The following FANCG variants were observed in gnomAD, a reference collection of about 807,000 sequenced individuals.
The protein encoded by FANCG is FA complementation group G.
FANCG carries 67 observed loss-of-function variants against 73.3 expected under a neutral mutation model. The ratio of observed to expected loss-of-function variants is 0.91; its 90% CI spans 0.75 to 1.12. FANCG has a LOEUF of 1.12. FANCG is among the 50% of genes most tolerant of loss of function. FANCG has a pLI of 0.00. For synonymous variants in FANCG, 297 were observed against 311.6 expected (o/e 0.95, Z 0.49); for missense variants, 643 against 735.6 (o/e 0.87, Z 1.46).
chr9:35,078,434 G>C (rs1829126181), intron 3 of FANCG, 91 bp from the exon 4 acceptor site: 1 of 1,523,428 alleles, frequency 6.6e-7, no homozygotes. Context: ...TTCCTCTCCT[G>C]CAGGACCCCA....
intron 8 of FANCG, 98 bp from the exon 9 acceptor site, chr9:35,076,126 T>C (rs558235519): frequency 1.6e-6 from 2 of 1,271,376 alleles, no homozygotes; most frequent in African/African-American, 1.5e-5. Context: ...TGGATGTTCA[T>C]GGGCCCTGAG....
At chr9:35,077,862 T>C in intron 4 of FANCG, 1 of 497,686 alleles carries the variant, frequency 2.0e-6, no homozygotes, top group African/African-American at 1.9e-5. Flanking sequence ...TGCCTCCACC[T>C]CTTGGGTTCA....
At position 35,079,908 on chromosome 9, in the gene FANCG, C is replaced by G. The variant is rs1829152038; in HGVS notation, c.-384G>C. ...GTCGCACGGCCGGCGGTGCGGCCCGCTCGGCTCTCGCGGAGGCCACAGCCT... is the reference window on the plus strand; with the variant it reads ...GTCGCACGGCCGGCGGTGCGGCCCGGTCGGCTCTCGCGGAGGCCACAGCCT... On this transcript the variant is annotated 5_prime_UTR_variant, in exon 1 of 14. Transcript: ENST00000378643. 2.4e-6 allele frequency: 1 copy of G among 409,556 alleles called. No homozygotes were observed. Among genetic ancestry groups the G allele is most frequent in the East Asian group, 4.2e-5 (1 of 23,552 alleles). The allele number at this position is 409,556 out of a possible 1,614,324, so 25.4% of individuals were successfully genotyped here. A position where few individuals can be genotyped will look rare whatever the true frequency, so the allele number is the denominator to read the frequency against.
rs904322133 is a variant in FANCG, at chr9:35,075,322, G to A, written c.1437C>T (p.Cys479=). 5 of 1,614,030 alleles carry A rather than the reference G, an allele frequency of 3.1e-6. No homozygotes were observed. The highest frequency in any genetic ancestry group is 4.2e-6 in the Non-Finnish European group (5 of 1,180,040). ...QKVAISEFSR[C]LELLFRATPE... ...GTGTGGCCCGGAAGAGCAGCTCGAG[G>A]CACCTGAAGTAGGACACAGAACAGG... Residue 479 remains cysteine (C), a synonymous_variant, in exon 11 of 14, where the codon TGC becomes TGT. Coordinates refer to ENST00000378643, the MANE Select transcript of FANCG (RefSeq NM_004629.2).
chr9:35,074,776 C>A (rs1330962640), intron 12 of FANCG, 151 bp downstream of exon 12: 4 of 1,037,784 alleles, frequency 3.9e-6, no homozygotes, highest in Admixed American at 1.9e-5. Flanking sequence ...TATATTTGAA[C>A]ACCTGGATAT....
rs767607055 is a variant in FANCG, at chr9:35,079,249, A to G, written c.85-8T>C. ...ACCGGAGTTCTGAGCCACCTGCCAC[A>G]TGAGGGAGGGGTTGTCACTGAGGAT... On this transcript the variant is annotated splice_polypyrimidine_tract_variant and splice_region_variant and intron_variant, in intron 1 of 13. Coordinates refer to ENST00000378643, the MANE Select transcript of FANCG (RefSeq NM_004629.2). 2.5e-6 allele frequency: 4 copies of G among 1,605,786 alleles called. No individual in the cohort carries two copies. The highest frequency in any genetic ancestry group is 3.4e-5 in the Admixed American group (2 of 58,950).
At chr9:35,077,859 A>G (rs1394483237) in intron 4 of FANCG, 1 of 493,018 alleles carries the variant, frequency 2.0e-6, no homozygotes, top group Non-Finnish European at 3.7e-6. Flanking sequence ...TGTTGCCTCC[A>G]CCTCTTGGGT....
Position 35,076,443 on chromosome 9 carries a change from T to C in FANCG, c.1065A>G (p.Leu355=), listed in dbSNP as rs774516300. The C allele has an allele frequency of 3.1e-6, 5 of 1,614,024 alleles. No individual in the cohort carries two copies. Among genetic ancestry groups the C allele is most frequent in the African/African-American group, 1.3e-5 (1 of 75,002 alleles). The change falls in exon 8 of 14, where the codon CTA becomes CTG. Residue 355 remains leucine, a synonymous_variant. Transcript: ENST00000378643. ...AAGGGGAACCTCACCTCCCCGTCTG[T>C]AGGCACCTGCTTGCTAGTATGTGCT... ...QTKHILASRC[L]QTGRAGDAAE...
intron 2 of FANCG, 129 bp downstream of exon 2, chr9:35,079,022 C>T: frequency 3.6e-6 from 3 of 833,224 alleles, no homozygotes; most frequent in Non-Finnish European, 6.0e-6. Flanking sequence ...TGATTCCACT[C>T]CAGTCTCCTC....
At chr9:35,079,389 C>T in intron 1 of FANCG, 52 bp downstream of exon 1, 2 of 1,607,424 alleles carry the variant, frequency 1.2e-6, no homozygotes, top group Non-Finnish European at 1.7e-6. Flanking sequence ...ACTGCAAACC[C>T]GCTTTCAGGG....
Position 35,076,028 on chromosome 9 carries a change from C to G in FANCG, c.1077G>C (p.Arg359Ser). 1 of 1,613,964 alleles carries G rather than the reference C, an allele frequency of 6.2e-7. No individual in the cohort carries two copies. The highest frequency in any genetic ancestry group is 1.1e-5 in the South Asian group (1 of 91,084). The change falls in exon 9 of 14, where the codon AGG becomes AGC. Residue 359 changes from arginine to serine, a missense_variant and splice_region_variant. Transcript: ENST00000378643. ...ILASRCLQTG[R>S]AGDAAEHYLD... ...AGTAATGCTCTGCAGCGTCTCCTGC[C>G]CTGAGGAGTAAAAGCCCATAAGCCT...
intron 5 of FANCG, 66 bp downstream of exon 5, chr9:35,077,196 CAA>C (rs1829101171): frequency 9.9e-6 from 16 of 1,613,568 alleles, no homozygotes; most frequent in African/African-American, 1.3e-5. Context: ...CTGAATGGGA[CAA>C]GAGAGAGGGC....
At position 35,074,948 on chromosome 9, in the gene FANCG, G is replaced by C. The variant is rs1486862292; in HGVS notation, c.1615C>G (p.Leu539Val). 1.9e-6 allele frequency: 3 copies of C among 1,614,058 alleles called. No homozygotes were observed. The highest frequency in any genetic ancestry group is 1.7e-6 in the Non-Finnish European group (2 of 1,180,032). Reference protein sequence around the residue: ...QDTKALQDFLLSVQMCPGNRD... With the variant: ...QDTKALQDFLVSVQMCPGNRD... The stretch of plus-strand genomic sequence containing the variant: ...ATACCTGGGCACATCTGCACACTGA[G>C]GAGGAAGTCCTGTAAGGCTTTGGTA... Residue 539 changes from leucine (L) to valine (V), a missense_variant, in exon 12 of 14, where the codon CTC becomes GTC. Leu to Val is a conservative substitution (Grantham distance 32). Transcript: ENST00000378643.
Position 35,077,418 on chromosome 9 carries a change from C to A in FANCG, c.511-19G>T, listed in dbSNP as rs1829106760. The A allele has an allele frequency of 1.2e-6, 2 of 1,613,924 alleles. No individual in the cohort carries two copies. Among genetic ancestry groups the A allele is most frequent in the African/African-American group, 2.7e-5 (2 of 74,898 alleles). ...CTCCACTCTGGGGAAAGAAGGACAA[C>A]CAGAAGCTCCAAGCCTACAACCTCC... On this transcript the variant is annotated intron_variant, in intron 4 of 13. Coordinates refer to ENST00000378643, the MANE Select transcript of FANCG (RefSeq NM_004629.2).
chr9:35,075,418 A>G (rs1364518328), intron 10 of FANCG, 47 bp downstream of exon 10: 2 of 1,613,906 alleles, frequency 1.2e-6, no homozygotes, highest in Non-Finnish European at 1.7e-6. Context: ...CTCAGGTCCC[A>G]ATCAGAAAAT....
rs1587142229 is a variant in FANCG at position 35,077,121 on chromosome 9, G to A, written c.647-20C>T. On this transcript the variant is annotated intron_variant, in intron 5 of 13. Coordinates refer to ENST00000378643, the MANE Select transcript of FANCG (RefSeq NM_004629.2). The stretch of plus-strand genomic sequence containing the variant: ...GGAGACCTGAGGACAGTCAGGGTGT[G>A]AGCTTGGAGAGGGCTATAGAGCAGG... The A allele has an allele frequency of 1.2e-6, 2 of 1,614,152 alleles. No homozygotes were observed. The highest frequency in any genetic ancestry group is 1.3e-5 in the African/African-American group (1 of 75,040).
rs1239092898 is a variant in FANCG, at chr9:35,076,841, C to G, written c.807G>C (p.Leu269Phe). The change falls in exon 7 of 14, where the codon TTG becomes TTC. Residue 269 changes from leucine to phenylalanine, a missense_variant. By Grantham distance (22) the Leu-to-Phe change is conservative. Transcript: ENST00000378643. Reference sequence around the variant, plus strand: ...CTGATCCCTCTTTCAGGGCTGCAACCAAGTACAACAGTGCTCTCTGTGGAT... The same window carrying G: ...CTGATCCCTCTTTCAGGGCTGCAACGAAGTACAACAGTGCTCTCTGTGGAT... Reference protein sequence around the residue: ...MGNPQRALLYLVAALKEGSAW... With the variant: ...MGNPQRALLYFVAALKEGSAW... The G allele has an allele frequency of 6.2e-7, 1 of 1,614,102 alleles. No individual in the cohort carries two copies. Among genetic ancestry groups the G allele is most frequent in the Non-Finnish European group, 8.5e-7 (1 of 1,180,052 alleles).
chr9:35,079,236 A>G lies in FANCG; in HGVS notation c.90T>C (p.Ala30=). 2 of 1,607,134 alleles carry G rather than the reference A, an allele frequency of 1.2e-6. No homozygotes were observed. The highest frequency in any genetic ancestry group is 2.2e-5 in the South Asian group (2 of 90,070). Residue 30 remains alanine, a synonymous_variant, in exon 2 of 14, where the codon GCT becomes GCC. Transcript: ENST00000378643. ...GCCTCAGAGTCAGACCGGAGTTCTG[A>G]GCCACCTGCCACATGAGGGAGGGGT... ...NDRLVRQAKV[A]QNSGLTLRRQ...
rs568662177 is a variant in FANCG at position 35,079,552 on chromosome 9, G to C, written c.-28C>G. On this transcript the variant is annotated 5_prime_UTR_variant, in exon 1 of 14. Coordinates refer to ENST00000378643, the MANE Select transcript of FANCG (RefSeq NM_004629.2). ...TGGCCGAGGCTGGGCCCGGAGACCA[G>C]AAGCGGACTTAGGAAGGGTGAAGCT... 1.2e-6 allele frequency: 2 copies of C among 1,612,278 alleles called. No individual in the cohort carries two copies. The highest frequency in any genetic ancestry group is 2.2e-5 in the South Asian group (2 of 91,040).
Sources: gnomAD v4.1 joint callset for allele counts on GRCh38, gnomAD v4.1.1 for gene constraint, MANE v1.5 for transcripts, NCBI Gene and HGNC (gene_info 2026-07-23, HGNC 2026-07-21) for gene names.